The following HOOK3 variants were observed in gnomAD, a reference collection of about 807,000 sequenced individuals.
HOOK3 encodes the protein protein Hook homolog 3.
A neutral mutation model predicts 116.3 loss-of-function variants in HOOK3; 24 were observed. That is an observed-to-expected ratio of 0.21 (90% confidence interval 0.15 to 0.29). The LOEUF is 0.29. Among genes scored for constraint, HOOK3 ranks in the 10% least tolerant of loss-of-function variants. HOOK3 has a pLI of 1.00. For synonymous variants in HOOK3, 275 were observed against 283.0 expected, an observed-to-expected ratio of 0.97 and a Z score of 0.28; for missense variants, 632 against 830.2, an observed-to-expected ratio of 0.76 and a Z score of 2.93.
intron 4 of HOOK3, among the ~76,000 whole-genome samples, chr8:42,938,698 T>TTTTATTTA (rs57325956): frequency 0.03 from 4,542 of 149,786 alleles, 145 homozygotes; most frequent in African/African-American, 0.081. Context: ...AATGCTTTTC[T>TTTTATTTA]TTTATTTATT....
chr8:42,904,029 A>G (rs181843205), intron 1 of HOOK3, among the ~76,000 whole-genome samples: 146 of 152,300 alleles, frequency 9.6e-4, no homozygotes, highest in African/African-American at 3.4e-3. Flanking sequence ...ACCGTTAGTA[A>G]GAGAATAAAT....
intron 9 of HOOK3, among the ~76,000 whole-genome samples, chr8:42,965,438 T>C (rs569961931): frequency 6.6e-6 from 1 of 152,002 alleles, no homozygotes; most frequent in African/African-American, 2.4e-5. Context: ...ACATCTTCTG[T>C]GGGAAGAAAA....
chr8:42,939,394 G>T (rs566597090), intron 4 of HOOK3, among the ~76,000 whole-genome samples: 3 of 149,060 alleles, frequency 2.0e-5, no homozygotes, highest in African/African-American at 7.4e-5. Context: ...CCGGGCGGGG[G>T]GCTGACCCCC....
intron 2 of HOOK3, among the ~76,000 whole-genome samples, chr8:42,915,360 G>C (rs1807510285): frequency 1.3e-5 from 2 of 152,090 alleles, no homozygotes; most frequent in African/African-American, 4.8e-5. Context: ...GCTGGACTCT[G>C]TCTCAAAACA....
At chr8:42,898,165 G>T (rs771943913) in intron 1 of HOOK3, among the ~76,000 whole-genome samples, 6 of 152,164 alleles carry the variant, frequency 3.9e-5, no homozygotes, top group South Asian at 4.1e-4. Context: ...CCTGTGCAAG[G>T]CACTTTGCTG....
chr8:42,944,340 T>C (rs1374453407), intron 5 of HOOK3, among the ~76,000 whole-genome samples: 1 of 151,856 alleles, frequency 6.6e-6, no homozygotes, highest in Non-Finnish European at 1.5e-5. Flanking sequence ...CACTTGAACC[T>C]GGGAGGCAGA....
At chr8:42,962,340 A>G (rs917240219) in intron 8 of HOOK3, among the ~76,000 whole-genome samples, 3 of 144,606 alleles carry the variant, frequency 2.1e-5, no homozygotes. Flanking sequence ...GGCCCCAAGC[A>G]GTCCTACCAA....
At chr8:42,925,533 T>A (rs1222022841) in intron 2 of HOOK3, 24 bp from the exon 3 acceptor site, 1 of 1,508,304 alleles carries the variant, frequency 6.6e-7, no homozygotes, top group Admixed American at 1.9e-5. Flanking sequence ...GATTTTAATA[T>A]GTAAGCTTTT....
Position 43,013,303 on chromosome 8 carries a change from T to A in HOOK3, c.1945-26T>A, listed in dbSNP as rs1484261977. 8.1e-6 allele frequency: 12 copies of A among 1,478,562 alleles called. No homozygotes were observed. In the African/African-American group the frequency reaches 1.7e-4, roughly 21 times the overall value. 91.6% of individuals were successfully genotyped at this position (1,478,562 alleles called of 1,614,324 possible). On this transcript the variant is annotated intron_variant, in intron 20 of 21. Coordinates refer to ENST00000307602, the MANE Select transcript of HOOK3 (RefSeq NM_032410.4). ...TGAGTTATTTTATATCTTTACATAT[T>A]TACATGTGCTTTTTTTTTTTTTTAG...
chr8:42,899,674 G>A (rs1256243163), intron 1 of HOOK3, among the ~76,000 whole-genome samples: 3 of 152,134 alleles, frequency 2.0e-5, no homozygotes, highest in Admixed American at 1.3e-4. Flanking sequence ...TAGTTTTCTT[G>A]ATTTTATGTC....
chr8:43,026,532 T>C lies in HOOK3; in HGVS notation c.*8034T>C. On this transcript the variant is annotated 3_prime_UTR_variant, in exon 22 of 22. Coordinates refer to ENST00000307602, the MANE Select transcript of HOOK3 (RefSeq NM_032410.4). ...GAAGACTCTTTTATAATGTAATACT[T>C]AGAAGCCAAATCCTTTCAAACGCAA... The C allele has an allele frequency of 4.7e-6, 1 of 212,340 alleles. No homozygotes were observed. Among genetic ancestry groups the C allele is most frequent in the Non-Finnish European group, 9.5e-6 (1 of 104,964 alleles). The allele number at this position is 212,340 out of a possible 1,614,324, so 13.2% of individuals were successfully genotyped here.
At chr8:42,963,249 T>C (rs1808569987) in intron 8 of HOOK3, among the ~76,000 whole-genome samples, 1 of 152,246 alleles carries the variant, frequency 6.6e-6, no homozygotes, top group Non-Finnish European at 1.5e-5. Context: ...ATTCGCATTA[T>C]ATGCTTACTG....
intron 4 of HOOK3, 45 bp from the exon 5 acceptor site, chr8:42,943,268 T>C: frequency 8.5e-7 from 1 of 1,182,666 alleles, no homozygotes; most frequent in Non-Finnish European, 1.1e-6. Flanking sequence ...TTTTTTTTGG[T>C]CATATAAATG....
intron 18 of HOOK3, among the ~76,000 whole-genome samples, chr8:43,008,745 C>T (rs1156739350): frequency 4.7e-5 from 7 of 147,518 alleles, no homozygotes; most frequent in East Asian, 3.9e-4. Flanking sequence ...CTGCAAGCTC[C>T]ACCTCCCGGG....
intron 8 of HOOK3, among the ~76,000 whole-genome samples, chr8:42,962,936 G>C (rs1283286020): frequency 1.3e-5 from 2 of 151,694 alleles, no homozygotes; most frequent in Non-Finnish European, 2.9e-5. Flanking sequence ...TGAGTAGCTG[G>C]GATTACAGGC....
At chr8:43,005,668 T>C (rs866958001) in intron 17 of HOOK3, among the ~76,000 whole-genome samples, 5 of 151,918 alleles carry the variant, frequency 3.3e-5, no homozygotes, top group African/African-American at 1.2e-4. Context: ...TTTGTATTTA[T>C]TTTTATTTTT....
chr8:42,933,627 T>C (rs1387498549), intron 4 of HOOK3, among the ~76,000 whole-genome samples: 3 of 152,248 alleles, frequency 2.0e-5, no homozygotes, highest in African/African-American at 7.2e-5. Flanking sequence ...TGGTTTACTT[T>C]CATGTTTTGG....
intron 8 of HOOK3, among the ~76,000 whole-genome samples, chr8:42,962,407 G>GTT (rs763537584): frequency 1.7e-3 from 217 of 127,630 alleles, no homozygotes; most frequent in African/African-American, 5.8e-3. Context: ...TGGCCCGTGT[G>GTT]TTTTTTTTTT....
intron 6 of HOOK3, among the ~76,000 whole-genome samples, chr8:42,954,214 T>G (rs1250553853): frequency 1.3e-5 from 2 of 152,192 alleles, no homozygotes; most frequent in Non-Finnish European, 2.9e-5. Flanking sequence ...CAAATAAACT[T>G]GCTTAATGTT....
Sources: gnomAD v4.1 joint callset for allele counts (sites outside exome capture counted in the v4.1 genomes callset) on GRCh38, gnomAD v4.1.1 for gene constraint, MANE v1.5 for transcripts, NCBI Gene and HGNC (gene_info 2026-07-23, HGNC 2026-07-21) for gene names.